Variants in CALN1 observed in about 807,000 individuals in gnomAD.
CALN1 encodes calcium-binding protein 8.
Under a neutral mutation model 30.6 loss-of-function variants are expected in CALN1, and 17 were observed. The ratio of observed to expected loss-of-function variants is 0.56; its 90% CI spans 0.38 to 0.83. CALN1 has a LOEUF of 0.83. Among genes scored for constraint, CALN1 ranks in the 40% least tolerant of loss-of-function variants. CALN1 has a pLI of 0.00. For missense variants in CALN1, 291 were observed against 354.9 expected (o/e 0.82, Z 1.45); for synonymous variants, 156 against 131.4 (o/e 1.19, Z -1.28).
At chr7:71,867,969 T>C (rs552491000) in intron 5 of CALN1, among the ~76,000 whole-genome samples, 3 of 152,224 alleles carry the variant, frequency 2.0e-5, no homozygotes, top group Non-Finnish European at 4.4e-5. Flanking sequence ...ACATCTATGA[T>C]AGACATATCT....
chr7:72,134,049 G>A (rs571772188), intron 3 of CALN1, among the ~76,000 whole-genome samples: 15 of 152,278 alleles, frequency 9.9e-5, no homozygotes, highest in African/African-American at 2.2e-4. Flanking sequence ...AAGTGATGAG[G>A]GCTCTGCCCT....
rs73702938 is a variant in CALN1 at position 72,410,822 on chromosome 7, A to C, written c.-74+1236T>G. 1.3e-3 allele frequency among the ~76,000 whole-genome samples: 195 copies of C among 152,310 alleles called. 2 individuals are homozygous for C. Among genetic ancestry groups the C allele is most frequent in the African/African-American group, 4.5e-3 (187 of 41,570 alleles). The stretch of plus-strand genomic sequence containing the variant: ...GCACCCTACCTTCTTACTTTCCAAG[A>C]AGCACTAGAAACTTTATTGCTAAAA... On this transcript the variant is annotated intron_variant, in intron 1 of 6. Coordinates refer to ENST00000395275, the MANE Select transcript of CALN1 (RefSeq NM_031468.4).
rs72607596 is a variant in CALN1, at chr7:72,411,042, T to C, written c.-74+1016A>G. The stretch of plus-strand genomic sequence containing the variant: ...GATTACAAATAATAGGTGAATTTAG[T>C]AAAGCATTAGAATAAGACCAACATA... On this transcript the variant is annotated intron_variant, in intron 1 of 6. Transcript: ENST00000395275. Among the ~76,000 whole-genome samples the C allele has an allele frequency of 0.025, 3,853 of 152,264 alleles. 293 individuals are homozygous for C. In the East Asian group the frequency reaches 0.28, roughly 11 times the overall value.
At chr7:72,039,175 T>G (rs1413678943) in intron 4 of CALN1, among the ~76,000 whole-genome samples, 1 of 152,206 alleles carries the variant, frequency 6.6e-6, no homozygotes, top group Non-Finnish European at 1.5e-5. Context: ...GTAAATAAAA[T>G]TTAAAAATTA....
chr7:71,963,178 T>A (rs747889612), intron 5 of CALN1, among the ~76,000 whole-genome samples: 7 of 152,142 alleles, frequency 4.6e-5, no homozygotes, highest in East Asian at 1.9e-4. Flanking sequence ...TATTATTATT[T>A]TTGAGACAGA....
At chr7:72,371,076 C>A in intron 2 of CALN1, among the ~76,000 whole-genome samples, 1 of 149,356 alleles carries the variant, frequency 6.7e-6, no homozygotes, top group East Asian at 2.0e-4. Context: ...AGAGAGGGCT[C>A]TTAATTTTGA....
intron 5 of CALN1, among the ~76,000 whole-genome samples, chr7:71,818,723 T>TA (rs1205145514): frequency 6.8e-6 from 1 of 147,548 alleles, no homozygotes; most frequent in African/African-American, 2.6e-5. Flanking sequence ...TTTATTTATT[T>TA]TTTTGAGCTG....
At chr7:71,897,593 T>C (rs746968177) in intron 5 of CALN1, among the ~76,000 whole-genome samples, 1 of 152,136 alleles carries the variant, frequency 6.6e-6, no homozygotes, top group Non-Finnish European at 1.5e-5. Context: ...TTGAAATTTA[T>C]TTTCTAATGA....
intron 4 of CALN1, among the ~76,000 whole-genome samples, chr7:72,084,901 T>C (rs1805380995): frequency 6.6e-6 from 1 of 152,164 alleles, no homozygotes; most frequent in African/African-American, 2.4e-5. Context: ...AACTGCACAC[T>C]GTTCTGAGTA....
intron 5 of CALN1, 91 bp downstream of exon 5, chr7:72,023,566 G>A (rs566183031): frequency 6.1e-5 from 54 of 885,698 alleles, no homozygotes; most frequent in African/African-American, 2.6e-4. Flanking sequence ...AGATCTTCAC[G>A]TGCCAAATAG....
Position 71,889,553 on chromosome 7 carries a change from C to T in CALN1, c.502-79061G>A, listed in dbSNP as rs193163831. On this transcript the variant is annotated intron_variant, in intron 5 of 6. Coordinates refer to ENST00000395275, the MANE Select transcript of CALN1 (RefSeq NM_031468.4). The stretch of plus-strand genomic sequence containing the variant: ...GACCTAACCACATCCCGAAAGGCCC[C>T]GCCTCCAAATCATGACCTTGAAGGA... Among the ~76,000 whole-genome samples, 289 of 152,238 alleles carry T rather than the reference C, an allele frequency of 1.9e-3. 1 individual carries two copies. Among genetic ancestry groups the T allele is most frequent in the African/African-American group, 6.8e-3 (281 of 41,538 alleles).
the CALN1 span, among the ~76,000 whole-genome samples, chr7:72,465,832 TC>T: frequency 6.6e-6 from 1 of 152,096 alleles, no homozygotes; most frequent in Non-Finnish European, 1.5e-5. Flanking sequence ...GAGCGCGGAA[TC>T]CCCACCCTTC....
chr7:71,843,200 T>C (rs1790037871), intron 5 of CALN1, among the ~76,000 whole-genome samples: 1 of 152,196 alleles, frequency 6.6e-6, no homozygotes, highest in Admixed American at 6.5e-5. Context: ...TAAATTTCTT[T>C]CCTATGCTTC....
In CALN1 at chr7:71,932,440, T is replaced by C. The variant is rs561839322; in HGVS notation, c.501+91217A>G. Among the ~76,000 whole-genome samples, 10 of 152,240 alleles carry C rather than the reference T, an allele frequency of 6.6e-5. No individual in the cohort carries two copies. In the South Asian group the frequency reaches 2.1e-3, roughly 32 times the overall value. ...CCTCGGCCTCCCAAAGTGCTGTGGT[T>C]ACAAGCATGAGCTATCGTGCCTGGT... On this transcript the variant is annotated intron_variant, in intron 5 of 6. Coordinates refer to ENST00000395275, the MANE Select transcript of CALN1 (RefSeq NM_031468.4).
At chr7:72,274,685 G>C (rs1023870761) in intron 3 of CALN1, among the ~76,000 whole-genome samples, 3 of 152,054 alleles carry the variant, frequency 2.0e-5, no homozygotes, top group African/African-American at 7.2e-5. Flanking sequence ...TAAGCTCCTT[G>C]GAAAGAGGCA....
chr7:72,244,400 G>A (rs1795030184), intron 3 of CALN1, among the ~76,000 whole-genome samples: 1 of 152,120 alleles, frequency 6.6e-6, no homozygotes, highest in East Asian at 1.9e-4. Context: ...CAACGTACAA[G>A]ACTGCTGTAA....
intron 3 of CALN1, 60 bp downstream of exon 3, chr7:72,278,626 A>G: frequency 1.3e-6 from 2 of 1,586,302 alleles, no homozygotes; most frequent in East Asian, 2.3e-5. Flanking sequence ...GAGCTTCACA[A>G]TAGCCAGAAA....
chr7:72,311,145 A>C (rs1027684832), intron 2 of CALN1, among the ~76,000 whole-genome samples: 64 of 152,158 alleles, frequency 4.2e-4, no homozygotes, highest in African/African-American at 1.4e-3. Context: ...ACTCAACGCA[A>C]AGATGATGAG....
At chr7:72,012,672 T>C (rs1172498454) in intron 5 of CALN1, among the ~76,000 whole-genome samples, 1 of 152,244 alleles carries the variant, frequency 6.6e-6, no homozygotes, top group East Asian at 1.9e-4. Context: ...TTGCGCCTCC[T>C]GCAGCCTCTG....
Sources: gnomAD v4.1 joint callset for allele counts (sites outside exome capture counted in the v4.1 genomes callset) on GRCh38, gnomAD v4.1.1 for gene constraint, MANE v1.5 for transcripts, NCBI Gene and HGNC (gene_info 2026-07-23, HGNC 2026-07-21) for gene names.